The following TCF7L2 variants were observed in gnomAD, a reference collection of about 807,000 sequenced individuals.
TCF7L2 encodes the protein transcription factor 7 like 2.
A neutral mutation model predicts 77.9 loss-of-function variants in TCF7L2; 23 were observed. That is an observed-to-expected ratio of 0.30 (90% CI 0.21 to 0.42). The LOEUF is 0.42. TCF7L2 is among the 10% of genes least tolerant of loss of function. TCF7L2 has a pLI of 1.00. For synonymous variants in TCF7L2, 413 were observed against 340.2 expected (o/e 1.21, Z -2.36); for missense variants, 654 against 793.1 (o/e 0.82, Z 2.11).
intron 12 of TCF7L2, 122 bp downstream of exon 14, chr10:113,160,114 G>A: frequency 2.5e-6 from 2 of 808,732 alleles, no homozygotes; most frequent in Non-Finnish European, 2.0e-6. Flanking sequence ...CAGGGGAGTG[G>A]GACACTGCCA....
At chr10:113,031,381 C>G (rs1485311420) in intron 4 of TCF7L2, among the ~76,000 whole-genome samples, 1 of 151,948 alleles carries the variant, frequency 6.6e-6, no homozygotes, top group Non-Finnish European at 1.5e-5. Context: ...AAAGTACGTA[C>G]AGATCCTGGG....
chr10:113,024,696 T>C (rs893164260), intron 4 of TCF7L2, among the ~76,000 whole-genome samples: 1 of 147,130 alleles, frequency 6.8e-6, no homozygotes, highest in Non-Finnish European at 1.5e-5. Context: ...CTCGGCTCAC[T>C]GCAACCTCTA....
At chr10:113,113,756 C>T (rs1251394932) in intron 5 of TCF7L2, among the ~76,000 whole-genome samples, 2 of 152,168 alleles carry the variant, frequency 1.3e-5, no homozygotes, top group Non-Finnish European at 2.9e-5. Context: ...ACGTTTGGGG[C>T]ATCATAAACC....
rs968747491 is a variant in TCF7L2, at chr10:113,129,791, A to T, written c.553-11393A>T. ...AAAGCAGAAAGGGAGGAGGAAGAAA[A>T]ACTGGCCCAGTCCCATCTCGAAGGT... is the stretch of plus-strand genomic sequence containing the variant. On this transcript the variant is annotated intron_variant, in intron 5 of 13. Transcript: ENST00000627217. The T allele has an allele frequency of 8.6e-6, 11 of 1,273,808 alleles. No homozygotes were observed. The South Asian group carries it at 1.3e-4, about 15-fold the overall frequency. 78.9% of individuals were successfully genotyped at this position (1,273,808 alleles called of 1,614,324 possible).
chr10:113,072,052 AT>A (rs1475668744), intron 5 of TCF7L2, among the ~76,000 whole-genome samples: 1 of 152,116 alleles, frequency 6.6e-6, no homozygotes, highest in African/African-American at 2.4e-5. Context: ...ATTTTAATTA[AT>A]TAATTAGTTT....
rs567804071 is a variant in TCF7L2 at position 113,025,462 on chromosome 10, C to T, written c.451-14563C>T. Among the ~76,000 whole-genome samples, 6 of 152,246 alleles carry T rather than the reference C, an allele frequency of 3.9e-5. No homozygotes were observed. In the East Asian group the frequency reaches 9.7e-4, roughly 25 times the overall value. On this transcript the variant is annotated intron_variant, in intron 4 of 13. Transcript: ENST00000627217. ...CTGTGTTGGCCAGGTTGGTCTTGAA[C>T]TCCTGAACTGAAGTGATCTGCCCAC...
At chr10:112,999,108 T>C (rs1346155786) in intron 4 of TCF7L2, among the ~76,000 whole-genome samples, 1 of 152,222 alleles carries the variant, frequency 6.6e-6, no homozygotes, top group African/African-American at 2.4e-5. Context: ...CCTCCAACTC[T>C]TGGGTTCAAA....
At chr10:113,009,777 G>A (rs552736883) in intron 4 of TCF7L2, among the ~76,000 whole-genome samples, 5 of 152,308 alleles carry the variant, frequency 3.3e-5, no homozygotes, top group South Asian at 2.1e-4. Context: ...ATTAAAGTTA[G>A]CATTCCTGGA....
chr10:113,099,482 G>A (rs2061400671), intron 5 of TCF7L2, among the ~76,000 whole-genome samples: 2 of 152,150 alleles, frequency 1.3e-5, no homozygotes, highest in South Asian at 4.1e-4. Context: ...CCCCACCCAG[G>A]CTCTGGAACA....
At chr10:112,969,578 A>AT (rs2037779935) in intron 4 of TCF7L2, among the ~76,000 whole-genome samples, 1 of 152,168 alleles carries the variant, frequency 6.6e-6, no homozygotes, top group African/African-American at 2.4e-5. Context: ...TGAGTGCTGG[A>AT]TTTGAGTATT....
chr10:112,974,513 G>A (rs926722392), intron 4 of TCF7L2, among the ~76,000 whole-genome samples: 39 of 152,040 alleles, frequency 2.6e-4, no homozygotes, highest in Admixed American at 2.2e-3. Context: ...GCGCGATCTC[G>A]GCTCACTGCC....
intron 5 of TCF7L2, among the ~76,000 whole-genome samples, chr10:113,107,718 C>T (rs1033090989): frequency 7.4e-6 from 1 of 135,604 alleles, no homozygotes; most frequent in Admixed American, 8.1e-5. Context: ...CGCACCAGTG[C>T]ACTCCAGCCT....
At chr10:113,020,202 C>T (rs1026456519) in intron 4 of TCF7L2, among the ~76,000 whole-genome samples, 6 of 152,182 alleles carry the variant, frequency 3.9e-5, no homozygotes, top group African/African-American at 1.4e-4. Context: ...CCTTAGGGTC[C>T]TTGTTGTCCA....
intron 13 of TCF7L2, chr10:113,161,279 A>G (rs1006315805): frequency 2.5e-5 from 11 of 437,242 alleles, no homozygotes; most frequent in Admixed American, 7.7e-5. Flanking sequence ...TGCACCAGCT[A>G]AAGGGCTGCA....
chr10:113,106,559 C>T (rs768886324), intron 5 of TCF7L2, among the ~76,000 whole-genome samples: 4 of 152,056 alleles, frequency 2.6e-5, no homozygotes, highest in Non-Finnish European at 5.9e-5. Context: ...TCGGATGCCC[C>T]GGGTGTTGAT....
chr10:113,115,190 T>C (rs1207430620), intron 5 of TCF7L2, among the ~76,000 whole-genome samples: 2 of 152,228 alleles, frequency 1.3e-5, no homozygotes, highest in African/African-American at 2.4e-5. Context: ...TCAGAAATGA[T>C]CACAGGAATC....
intron 4 of TCF7L2, among the ~76,000 whole-genome samples, chr10:113,034,832 G>T (rs1217268822): frequency 6.6e-6 from 1 of 152,162 alleles, no homozygotes; most frequent in African/African-American, 2.4e-5. Context: ...GAAGGTAGAG[G>T]TTGCAGTGAG....
intron 3 of TCF7L2, among the ~76,000 whole-genome samples, chr10:112,953,097 G>A (rs1056020207): frequency 6.6e-6 from 1 of 151,958 alleles, no homozygotes; most frequent in Admixed American, 6.6e-5. Context: ...ATGGCCGAGG[G>A]CTTGCCGGAC....
At position 113,165,744 on chromosome 10, in the gene TCF7L2, C is replaced by T. The variant is rs997106736; in HGVS notation, c.1581C>T (p.Ala527=). The change falls in exon 14 of 14, where the codon GCC becomes GCT. Residue 527 remains alanine (A), a synonymous_variant. Coordinates refer to ENST00000627217, the MANE Select transcript of TCF7L2 (RefSeq NM_001146274.2). ...TGTCCCTGAAGCCCGACCCCCTGGC[C>T]CACCTGTCCATGATGCCTCCGCCAC... The T allele has an allele frequency of 6.2e-7, 1 of 1,612,802 alleles. No individual in the cohort carries two copies. Among genetic ancestry groups the T allele is most frequent in the Non-Finnish European group, 8.5e-7 (1 of 1,179,462 alleles).
Sources: gnomAD v4.1 joint callset for allele counts (sites outside exome capture counted in the v4.1 genomes callset) on GRCh38, gnomAD v4.1.1 for gene constraint, MANE v1.5 for transcripts, NCBI Gene and HGNC (gene_info 2026-07-23, HGNC 2026-07-21) for gene names.